The following ARFGAP3 variants were observed in gnomAD, a reference collection of about 807,000 sequenced individuals.
ARFGAP3 encodes ADP-ribosylation factor GTPase-activating protein 3.
ARFGAP3 carries 72 observed loss-of-function variants against 75.0 expected under a neutral mutation model. The ratio of observed to expected loss-of-function variants is 0.96; its 90% CI spans 0.79 to 1.17. The LOEUF (loss-of-function observed/expected upper bound fraction) is 1.17. Ranked by LOEUF, ARFGAP3 falls within the 50% of genes most tolerant of loss-of-function variation. The pLI is 0.00. For synonymous variants in ARFGAP3, 221 were observed against 217.9 expected (o/e 1.01, Z -0.13); for missense variants, 620 against 626.6 (o/e 0.99, Z 0.11).
intron 2 of ARFGAP3, among the ~76,000 whole-genome samples, chr22:42,845,807 AG>A (rs1268088837): frequency 3.9e-5 from 6 of 152,188 alleles, no homozygotes; most frequent in African/African-American, 1.2e-4. Context: ...TGGGAGGACG[AG>A]GGGGGTGGAT....
chr22:42,851,459 G>T (rs544588612), intron 1 of ARFGAP3, among the ~76,000 whole-genome samples: 1 of 152,250 alleles, frequency 6.6e-6, no homozygotes, highest in Non-Finnish European at 1.5e-5. Flanking sequence ...CCCCATGAGG[G>T]GGGGGCCATG....
intron 2 of ARFGAP3, among the ~76,000 whole-genome samples, chr22:42,841,868 T>C (rs1926794926): frequency 6.8e-6 from 1 of 147,872 alleles, no homozygotes; most frequent in South Asian, 2.1e-4. Flanking sequence ...CTAATTTCTT[T>C]TTTTTTTTTT....
chr22:42,815,737 G>A (rs536541490), intron 11 of ARFGAP3, among the ~76,000 whole-genome samples: 1 of 152,224 alleles, frequency 6.6e-6, no homozygotes, highest in Admixed American at 6.5e-5. Flanking sequence ...GCCCATTTCC[G>A]ACAGGAACAC....
At chr22:42,801,143 C>A (rs373397862) in intron 14 of ARFGAP3, among the ~76,000 whole-genome samples, 7 of 152,066 alleles carry the variant, frequency 4.6e-5, no homozygotes, top group Non-Finnish European at 7.4e-5. Flanking sequence ...CATGAGGAGG[C>A]GGCAGTGGGG....
At position 42,802,385 on chromosome 22, in the gene ARFGAP3, A is replaced by T. The variant is rs556135404; in HGVS notation, c.1412-3225T>A. Reference sequence around the variant, plus strand: ...ACTGCAAGCTCCGCCTCCCAGGTTCACGCCATTCTCCTGCCTCAGCCTCTG... The same window carrying T: ...ACTGCAAGCTCCGCCTCCCAGGTTCTCGCCATTCTCCTGCCTCAGCCTCTG... On this transcript the variant is annotated intron_variant, in intron 14 of 15. Coordinates refer to ENST00000263245, the MANE Select transcript of ARFGAP3 (RefSeq NM_014570.5). Among the ~76,000 whole-genome samples the T allele has an allele frequency of 2.0e-5, 3 of 150,828 alleles. No homozygotes were observed. In the South Asian group the frequency reaches 6.3e-4, roughly 32 times the overall value.
Position 42,857,161 on chromosome 22 carries a change from C to A in ARFGAP3, c.22G>T (p.Asp8Tyr). Residue 8 changes from aspartate to tyrosine, a missense_variant, in exon 1 of 16, where the codon GAC (aspartate) becomes TAC (tyrosine). Transcript: ENST00000263245. ...AGGCGCTTGAAGATGGTCAAGATGT[C>A]CTGCTTGCTGGGGTCCCCCATCGTC... The part of the protein sequence containing the change: MGDPSKQ[D>Y]ILTIFKRLRS... 1.3e-6 allele frequency: 2 copies of A among 1,517,282 alleles called. No homozygotes were observed. The highest frequency in any genetic ancestry group is 1.8e-6 in the Non-Finnish European group (2 of 1,130,434). The allele number at this position is 1,517,282 out of a possible 1,614,324, so 94.0% of individuals were successfully genotyped here.
intron 2 of ARFGAP3, among the ~76,000 whole-genome samples, chr22:42,842,010 GCTTTTT>G (rs1926801717): frequency 7.9e-6 from 1 of 125,808 alleles, no homozygotes; most frequent in African/African-American, 3.3e-5. Context: ...ACCATGCCGG[GCTTTTT>G]TTTTTTTTTT....
At position 42,797,430 on chromosome 22, in the gene ARFGAP3, A is replaced by G; in HGVS notation, c.*158T>C. ...GAAAGCTCCTACATCAGAACTCAGA[A>G]TTTCTCAAAAGAAATATTAAAAATC... is the stretch of plus-strand genomic sequence containing the variant. On this transcript the variant is annotated 3_prime_UTR_variant, in exon 16 of 16. Transcript: ENST00000263245. The G allele has an allele frequency of 1.1e-6, 1 of 944,388 alleles. No individual in the cohort carries two copies. The highest frequency in any genetic ancestry group is 1.6e-6 in the Non-Finnish European group (1 of 621,418). 58.5% of individuals were successfully genotyped at this position (944,388 alleles called of 1,614,324 possible). A position where few individuals can be genotyped will look rare whatever the true frequency, so the allele number is the denominator to read the frequency against.
At chr22:42,844,699 C>G (rs572390978) in intron 2 of ARFGAP3, among the ~76,000 whole-genome samples, 1 of 152,076 alleles carries the variant, frequency 6.6e-6, no homozygotes, top group Non-Finnish European at 1.5e-5. Flanking sequence ...CTATGTCCGG[C>G]CCCTCAGTTT....
intron 2 of ARFGAP3, among the ~76,000 whole-genome samples, chr22:42,846,167 T>C (rs1033299047): frequency 1.3e-5 from 2 of 152,218 alleles, no homozygotes; most frequent in African/African-American, 4.8e-5. Flanking sequence ...ATAAGATTGC[T>C]TGCCACAATT....
intron 12 of ARFGAP3, among the ~76,000 whole-genome samples, chr22:42,810,387 C>T (rs1365185622): frequency 1.3e-5 from 2 of 152,086 alleles, no homozygotes. Flanking sequence ...TCGCTTGAAC[C>T]TGGGAGACGG....
chr22:42,819,128 G>C (rs1925706503), intron 9 of ARFGAP3, among the ~76,000 whole-genome samples: 1 of 152,058 alleles, frequency 6.6e-6, no homozygotes, highest in Non-Finnish European at 1.5e-5. Flanking sequence ...TTTCTTATTA[G>C]GAAAAAGTAA....
At chr22:42,850,021 A>G (rs538146864) in intron 1 of ARFGAP3, among the ~76,000 whole-genome samples, 48 of 152,328 alleles carry the variant, frequency 3.2e-4, no homozygotes, top group African/African-American at 1.2e-3. Context: ...ACTCAAAAGA[A>G]TAACTTTAAA....
At chr22:42,824,903 C>T (rs1925972522) in intron 7 of ARFGAP3, among the ~76,000 whole-genome samples, 1 of 152,050 alleles carries the variant, frequency 6.6e-6, no homozygotes, top group Admixed American at 6.6e-5. Flanking sequence ...TCGTATGAAC[C>T]CAAGATTTAG....
intron 15 of ARFGAP3, among the ~76,000 whole-genome samples, chr22:42,798,341 G>A (rs890745410): frequency 6.6e-6 from 1 of 152,216 alleles, no homozygotes; most frequent in Non-Finnish European, 1.5e-5. Flanking sequence ...AATCTCCTTT[G>A]GAGGCACCAG....
intron 13 of ARFGAP3, chr22:42,807,395 A>G (rs1470390577): frequency 2.9e-6 from 1 of 345,042 alleles, no homozygotes; most frequent in Non-Finnish European, 4.1e-6. Flanking sequence ...CTCAGCCACG[A>G]TGGCCAGTGC....
Position 42,797,386 on chromosome 22 carries a change from C to T in ARFGAP3, c.*202G>A, listed in dbSNP as rs1053168045. ...CAAAGGAGGGTGTGACAGGAAGGAA[C>T]GTGAAACAGAAATCACAGGAAAGCT... On this transcript the variant is annotated 3_prime_UTR_variant, in exon 16 of 16. Transcript: ENST00000263245. The T allele has an allele frequency of 6.2e-5, 40 of 645,216 alleles. 1 individual carries two copies. The highest frequency in any genetic ancestry group is 7.4e-4 in the Middle Eastern group (2 of 2,696). 40.0% of individuals were successfully genotyped at this position (645,216 alleles called of 1,614,324 possible).
In ARFGAP3 at chr22:42,835,368, G is replaced by A; in HGVS notation, c.387C>T (p.Gly129=). The A allele has an allele frequency of 6.2e-7, 1 of 1,613,942 alleles. No individual in the cohort carries two copies. The highest frequency in any genetic ancestry group is 2.2e-5 in the East Asian group (1 of 44,882). Reference sequence around the variant, plus strand: ...CCAGCCTCCAGTGACTTACATCAGTGCCATGCTTCCGTGTTGCTTGAGAGG... The same window carrying A: ...CCAGCCTCCAGTGACTTACATCAGTACCATGCTTCCGTGTTGCTTGAGAGG... The part of the protein sequence containing the change: ...SLASQATRKH[G]TDLWLDSCVV... Residue 129 remains glycine (G), a synonymous_variant, in exon 4 of 16, where the codon GGC becomes GGT. Transcript: ENST00000263245.
chr22:42,839,772 A>C (rs759496831), intron 3 of ARFGAP3, among the ~76,000 whole-genome samples: 1 of 152,026 alleles, frequency 6.6e-6, no homozygotes, highest in Non-Finnish European at 1.5e-5. Context: ...AATTTTCTTA[A>C]AGCACTTATC....
Sources: gnomAD v4.1 joint callset for allele counts (sites outside exome capture counted in the v4.1 genomes callset) on GRCh38, gnomAD v4.1.1 for gene constraint, MANE v1.5 for transcripts, NCBI Gene and HGNC (gene_info 2026-07-23, HGNC 2026-07-21) for gene names.